DNAH5: variants seen among roughly 807,000 people sequenced by gnomAD.
The protein encoded by DNAH5 is axonemal beta dynein heavy chain 5.
A neutral mutation model predicts 518.2 loss-of-function variants in DNAH5; 372 were observed. The ratio of observed to expected loss-of-function variants is 0.72; its 90% CI spans 0.66 to 0.78. The LOEUF (loss-of-function observed/expected upper bound fraction) is 0.78, where lower values mean the gene tolerates loss of function less well. Ranked by LOEUF, DNAH5 falls within the 30% of genes least tolerant of loss-of-function variation. The pLI, the probability that DNAH5 is intolerant of heterozygous loss-of-function variation, is 0.00. For missense variants in DNAH5, 5,523 were observed against 5,687.0 expected (o/e 0.97, Z 0.93); for synonymous variants, 2,039 against 2,025.9 (o/e 1.01, Z -0.17).
At chr5:13,865,162 T>A (rs772437603) in intron 27 of DNAH5, among the ~76,000 whole-genome samples, 1 of 151,856 alleles carries the variant, frequency 6.6e-6, no homozygotes, top group African/African-American at 2.4e-5. Context: ...GCCCAGCTAA[T>A]TTTTGTATTT....
At chr5:13,806,223 A>G (rs1759558500) in intron 47 of DNAH5, among the ~76,000 whole-genome samples, 1 of 152,196 alleles carries the variant, frequency 6.6e-6, no homozygotes, top group African/African-American at 2.4e-5. Context: ...GGGTAATTTA[A>G]TGTGTCCTTT....
chr5:13,908,791 C>G (rs968019121), intron 12 of DNAH5, among the ~76,000 whole-genome samples: 53 of 152,184 alleles, frequency 3.5e-4, no homozygotes, highest in African/African-American at 1.2e-3. Context: ...GCTCTGATCC[C>G]TTTGACACCA....
Position 13,817,559 on chromosome 5 carries a change from C to T in DNAH5, c.6977G>A (p.Arg2326Lys). Residue 2326 changes from arginine to lysine, a missense_variant, in exon 42 of 79, where the codon AGA becomes AAA. Around this residue, in one of 3 missense-constraint regions of DNAH5, gnomAD observed 5,121 missense variants for 5,223.3 expected, o/e 0.98. Coordinates refer to ENST00000265104, the MANE Select transcript of DNAH5 (RefSeq NM_001369.3). The stretch of plus-strand genomic sequence containing the variant: ...AATTTATCTTCTACCTTTCTTTGCT[C>T]TTAATGTTTTCCTCCAAAGCGTAGA... ...IFSTLWRKTLRAKKGEHIWII... is the reference protein window; with the variant it reads ...IFSTLWRKTLKAKKGEHIWII... 1 of 1,614,120 alleles carries T rather than the reference C, an allele frequency of 6.2e-7. No homozygotes were observed. Among genetic ancestry groups the T allele is most frequent in the Non-Finnish European group, 8.5e-7 (1 of 1,180,004 alleles).
At chr5:13,903,499 T>C (rs1271129174) in intron 12 of DNAH5, among the ~76,000 whole-genome samples, 4 of 151,898 alleles carry the variant, frequency 2.6e-5, no homozygotes, top group Admixed American at 6.6e-5. Flanking sequence ...AAGAGAAATA[T>C]GTTTTAATCA....
chr5:13,866,241 AC>A lies in DNAH5; in HGVS notation c.4094del (p.Ser1365MetfsTer41), dbSNP rs1769229991. ...TTACCTGAAACATGATAAGCCTGTC[AC>A]TGGCTTCCTGGGGCTTCAAGCCGCT... is the stretch of plus-strand genomic sequence containing the variant. Reference protein sequence around the residue: ...MASGLKPQEASDRLIMFQNQF... With the variant: ...MASGLKPQEAXDRLIMFQNQF... On this transcript the variant is annotated frameshift_variant, in exon 26 of 79. Coordinates refer to ENST00000265104, the MANE Select transcript of DNAH5 (RefSeq NM_001369.3). LOFTEE classifies it high-confidence loss of function. The A allele has an allele frequency of 6.2e-7, 1 of 1,613,726 alleles. No individual in the cohort carries two copies. Among genetic ancestry groups the A allele is most frequent in the Non-Finnish European group, 8.5e-7 (1 of 1,179,820 alleles).
chr5:13,829,649 C>T lies in DNAH5; in HGVS notation c.6305G>A (p.Arg2102His), dbSNP rs876657782. 4 of 1,614,010 alleles carry T rather than the reference C, an allele frequency of 2.5e-6. No homozygotes were observed. The highest frequency in any genetic ancestry group is 2.2e-5 in the East Asian group (1 of 44,892). ...ELPENLKINF[R>H]SVAMMVPDRQ... is the part of the protein sequence containing the mutation. The stretch of plus-strand genomic sequence containing the variant: ...GTCAGGCACCATCATGGCCACTGAG[C>T]GGAAATTAATCTTCAAGTTTTCAGG... The change falls in exon 38 of 79, where the codon CGC (arginine) becomes CAC (histidine). Residue 2102 changes from arginine (R) to histidine (H), a missense_variant. Arg to His is a conservative substitution (Grantham distance 29, BLOSUM62 0). Transcript: ENST00000265104.
At position 13,700,756 on chromosome 5, in the gene DNAH5, T is replaced by A. The variant is rs776743021; in HGVS notation, c.13607A>T (p.Tyr4536Phe). The change falls in exon 78 of 79, where the codon TAT (tyrosine) becomes TTT (phenylalanine). Residue 4536 changes from tyrosine to phenylalanine, a missense_variant. Physicochemically the swap from Tyr to Phe is conservative, Grantham distance 22. This residue lies in a region of DNAH5 where 387 missense variants were observed against 430.0 expected (regional missense o/e 0.90). Transcript: ENST00000265104. ...GCCAGCACCTTCAAGATATAAGCCA[T>A]AGACATAGACACCCTCTGTGGGAGG... is the stretch of plus-strand genomic sequence containing the variant. ...SAPPTEGVYV[Y>F]GLYLEGAGWD... 6.2e-7 allele frequency: 1 copy of A among 1,614,154 alleles called. No individual in the cohort carries two copies. Among genetic ancestry groups the A allele is most frequent in the South Asian group, 1.1e-5 (1 of 91,088 alleles).
chr5:13,877,058 A>G (rs1205498922), intron 21 of DNAH5, among the ~76,000 whole-genome samples: 1 of 152,250 alleles, frequency 6.6e-6, no homozygotes, highest in Non-Finnish European at 1.5e-5. Flanking sequence ...TGGTAACAAC[A>G]GCAAGTTTTG....
At chr5:13,832,144 T>C (rs1035993567) in intron 35 of DNAH5, among the ~76,000 whole-genome samples, 4 of 151,128 alleles carry the variant, frequency 2.6e-5, no homozygotes, top group Non-Finnish European at 4.4e-5. Flanking sequence ...AACTTAAAAA[T>C]TAAAAACTGA....
At chr5:13,764,420 A>C (rs1752225747) in intron 59 of DNAH5, among the ~76,000 whole-genome samples, 1 of 152,186 alleles carries the variant, frequency 6.6e-6, no homozygotes, top group Non-Finnish European at 1.5e-5. Context: ...AAAAAAATTA[A>C]CTGGACAAGC....
intron 50 of DNAH5, among the ~76,000 whole-genome samples, chr5:13,789,780 T>C (rs1756655804): frequency 6.6e-6 from 1 of 152,228 alleles, no homozygotes; most frequent in Non-Finnish European, 1.5e-5. Context: ...ACTTCAACAA[T>C]TCCATTGACT....
chr5:13,823,825 G>A (rs1047128106), intron 39 of DNAH5, among the ~76,000 whole-genome samples: 1 of 152,080 alleles, frequency 6.6e-6, no homozygotes, highest in African/African-American at 2.4e-5. Context: ...AGTCTCTATC[G>A]TGAAATAATA....
At chr5:13,858,509 T>A (rs1365082126) in intron 30 of DNAH5, among the ~76,000 whole-genome samples, 1 of 152,142 alleles carries the variant, frequency 6.6e-6, no homozygotes, top group Admixed American at 6.5e-5. Flanking sequence ...ATGGCACCTG[T>A]ATTCCTATGT....
chr5:13,931,299 A>C, intron 1 of DNAH5, 55 bp from the exon 2 acceptor site: 2 of 1,607,886 alleles, frequency 1.2e-6, no homozygotes, highest in South Asian at 2.2e-5. Flanking sequence ...AAGTGGATTC[A>C]TTTTGTAATA....
chr5:13,742,677 T>C (rs1463238738), intron 65 of DNAH5, among the ~76,000 whole-genome samples: 1 of 152,120 alleles, frequency 6.6e-6, no homozygotes, highest in Non-Finnish European at 1.5e-5. Context: ...ATGGCTGTAG[T>C]CAATTTAATA....
chr5:13,871,799 A>G, intron 22 of DNAH5, 34 bp from the exon 23 acceptor site: 1 of 1,558,362 alleles, frequency 6.4e-7, no homozygotes, highest in Non-Finnish European at 8.8e-7. Context: ...GTTAAGAAGG[A>G]AGAATCTGAA....
At chr5:13,851,605 C>T (rs1054967964) in intron 30 of DNAH5, among the ~76,000 whole-genome samples, 3 of 152,088 alleles carry the variant, frequency 2.0e-5, no homozygotes, top group East Asian at 1.9e-4. Context: ...CCACTGCACC[C>T]GGCCCCAAAT....
At chr5:13,962,913 G>A (rs186781603) in intron 1 of DNAH5, among the ~76,000 whole-genome samples, 261 of 152,198 alleles carry the variant, frequency 1.7e-3, no homozygotes, top group South Asian at 3.7e-3. Flanking sequence ...GCAGCTGCTC[G>A]GCCAGCCTCA....
intron 47 of DNAH5, among the ~76,000 whole-genome samples, chr5:13,805,095 T>C (rs975730071): frequency 2.0e-5 from 3 of 152,118 alleles, no homozygotes; most frequent in Non-Finnish European, 2.9e-5. Flanking sequence ...GGGCCCCTCA[T>C]ACCACTCATG....
Sources: allele counts gnomAD v4.1 joint callset (sites outside exome capture counted in the v4.1 genomes callset), GRCh38; gene constraint gnomAD v4.1.1; regional missense constraint gnomAD v4.1.1; transcripts MANE v1.5; gene names NCBI Gene and HGNC (gene_info 2026-07-23, HGNC 2026-07-21).